The following GALNT17 variants were observed in gnomAD, a reference collection of about 807,000 sequenced individuals.
GALNT17 encodes the protein polypeptide N-acetylgalactosaminyltransferase 17.
In GALNT17, 29 loss-of-function variants were observed where a neutral mutation model predicts 63.7. That is an observed-to-expected ratio of 0.46 (90% CI 0.34 to 0.62). The LOEUF (loss-of-function observed/expected upper bound fraction) is 0.62, where lower values mean the gene tolerates loss of function less well. Ranked by LOEUF, GALNT17 falls within the 20% of genes least tolerant of loss-of-function variation. The pLI, the probability that GALNT17 is intolerant of heterozygous loss-of-function variation, is 0.01. For synonymous variants in GALNT17, 305 were observed against 318.3 expected (o/e 0.96, Z 0.45); for missense variants, 603 against 799.6 (o/e 0.75, Z 2.97).
chr7:71,696,135 T>C (rs1328404571), intron 9 of GALNT17, among the ~76,000 whole-genome samples: 1 of 152,182 alleles, frequency 6.6e-6, no homozygotes, highest in East Asian at 1.9e-4. Flanking sequence ...GTTTTAGAGA[T>C]AGGATCTTGC....
chr7:71,405,432 G>A (rs1404557241), intron 3 of GALNT17, among the ~76,000 whole-genome samples: 2 of 152,032 alleles, frequency 1.3e-5, no homozygotes, highest in African/African-American at 4.8e-5. Context: ...TTTGAGACCA[G>A]CCTGAGCAAC....
At position 71,456,654 on chromosome 7, in the gene GALNT17, G is replaced by A. The variant is rs138268935; in HGVS notation, c.962+35549G>A. Among the ~76,000 whole-genome samples, 345 of 152,154 alleles carry A rather than the reference G, an allele frequency of 2.3e-3. 5 individuals carry two copies. The highest frequency in any genetic ancestry group is 3.4e-3 in the Non-Finnish European group (231 of 67,996). On this transcript the variant is annotated intron_variant, in intron 5 of 10. Coordinates refer to ENST00000333538, the MANE Select transcript of GALNT17 (RefSeq NM_022479.3). ...CAGGAGAATCGCTTGAACTCTTGGC[G>A]GAGGCTGCAGACTCCATAAAAAAAA...
At chr7:71,283,793 A>G (rs976067631) in intron 1 of GALNT17, among the ~76,000 whole-genome samples, 2 of 152,046 alleles carry the variant, frequency 1.3e-5, no homozygotes, top group Non-Finnish European at 2.9e-5. Context: ...TGTAGTGGTG[A>G]AGGGTGAAGC....
At chr7:71,250,549 T>C (rs757987945) in intron 1 of GALNT17, among the ~76,000 whole-genome samples, 3 of 152,210 alleles carry the variant, frequency 2.0e-5, no homozygotes, top group Non-Finnish European at 4.4e-5. Flanking sequence ...CACCTGTCTC[T>C]GTAAGCTCGC....
At chr7:71,156,178 G>A (rs11764450) in intron 1 of GALNT17, among the ~76,000 whole-genome samples, 53,087 of 150,566 alleles carry the variant, frequency 0.35, 10,092 homozygotes, top group African/African-American at 0.4. Flanking sequence ...CCTGGGCACC[G>A]AGAGTGAAAC....
chr7:71,134,835 GTTTTTTTTTTTTTTTTT>G (rs561383417), intron 1 of GALNT17, among the ~76,000 whole-genome samples: 1 of 57,888 alleles, frequency 1.7e-5, no homozygotes, highest in Non-Finnish European at 2.9e-5. Context: ...TTGTTTTATG[GTTTTTTTTTTTTTTTTT>G]TTTTTTTTTT....
intron 3 of GALNT17, among the ~76,000 whole-genome samples, chr7:71,397,916 T>C (rs981873806): frequency 1.3e-5 from 2 of 150,832 alleles, no homozygotes; most frequent in Non-Finnish European, 1.5e-5. Context: ...TTTCAGAATT[T>C]TGATGGTTTT....
chr7:71,433,127 T>A (rs1340678295), intron 5 of GALNT17, among the ~76,000 whole-genome samples: 3 of 152,016 alleles, frequency 2.0e-5, no homozygotes, highest in Non-Finnish European at 4.4e-5. Flanking sequence ...TTTAAAAATA[T>A]AAAGTAAAAA....
At chr7:71,570,297 C>G (rs1789417721) in intron 5 of GALNT17, among the ~76,000 whole-genome samples, 1 of 152,080 alleles carries the variant, frequency 6.6e-6, no homozygotes, top group Non-Finnish European at 1.5e-5. Flanking sequence ...GAGGTCATGC[C>G]CTTGCCATTT....
At chr7:71,143,496 A>G (rs1241853296) in intron 1 of GALNT17, among the ~76,000 whole-genome samples, 1 of 151,828 alleles carries the variant, frequency 6.6e-6, no homozygotes, top group Non-Finnish European at 1.5e-5. Context: ...ATTCCTGGCA[A>G]GGGAATGGCA....
At chr7:71,441,123 A>G (rs569853137) in intron 5 of GALNT17, among the ~76,000 whole-genome samples, 1 of 151,808 alleles carries the variant, frequency 6.6e-6, no homozygotes, top group Admixed American at 6.6e-5. Flanking sequence ...CCTGGGTTCA[A>G]GTTGTTCTCC....
chr7:71,688,780 C>T (rs1017090333), intron 9 of GALNT17, among the ~76,000 whole-genome samples: 1 of 152,150 alleles, frequency 6.6e-6, no homozygotes, highest in East Asian at 1.9e-4. Flanking sequence ...AAGATTGTAG[C>T]AATTCCATGC....
At chr7:71,277,799 A>G (rs1790709173) in intron 1 of GALNT17, among the ~76,000 whole-genome samples, 1 of 152,214 alleles carries the variant, frequency 6.6e-6, no homozygotes, top group South Asian at 2.1e-4. Flanking sequence ...TTTTCACCCC[A>G]GTGCCCATCT....
chr7:71,289,352 ATATATT>A (rs1790935763), intron 1 of GALNT17, among the ~76,000 whole-genome samples: 1 of 152,110 alleles, frequency 6.6e-6, no homozygotes. Flanking sequence ...AAATACAGAG[ATATATT>A]TATATGTAGT....
At position 71,507,940 on chromosome 7, in the gene GALNT17, G is replaced by A. The variant is rs76851229; in HGVS notation, c.963-63345G>A. Among the ~76,000 whole-genome samples the A allele has an allele frequency of 2.8e-3, 434 of 152,294 alleles. 2 individuals are homozygous for A. The highest frequency in any genetic ancestry group is 9.9e-3 in the African/African-American group (412 of 41,560). On this transcript the variant is annotated intron_variant, in intron 5 of 10. Transcript: ENST00000333538. ...GAATAATCTCCTTTGTTCAATGCCC[G>A]AGGAGGATATTTTCTGCATTATTAG...
chr7:71,423,448 G>A (rs1333755995), intron 5 of GALNT17, among the ~76,000 whole-genome samples: 1 of 152,156 alleles, frequency 6.6e-6, no homozygotes, highest in Non-Finnish European at 1.5e-5. Context: ...TAAAATCATG[G>A]TTCTGTCTTA....
intron 1 of GALNT17, among the ~76,000 whole-genome samples, chr7:71,248,527 A>G (rs1790141666): frequency 6.6e-6 from 1 of 152,238 alleles, no homozygotes; most frequent in Admixed American, 6.5e-5. Context: ...TGAAAGGAAC[A>G]TACAGAAAAT....
At chr7:71,260,514 A>G (rs1024884944) in intron 1 of GALNT17, among the ~76,000 whole-genome samples, 7 of 152,196 alleles carry the variant, frequency 4.6e-5, no homozygotes, top group Non-Finnish European at 8.8e-5. Context: ...TTCTCCTAGA[A>G]ATATTCTACT....
intron 5 of GALNT17, among the ~76,000 whole-genome samples, chr7:71,491,370 A>G (rs1242482973): frequency 6.6e-6 from 1 of 151,988 alleles, no homozygotes; most frequent in Non-Finnish European, 1.5e-5. Context: ...GAATGTAAGA[A>G]GCAGGCACGA....
Sources: gnomAD v4.1 joint callset for allele counts (sites outside exome capture counted in the v4.1 genomes callset) on GRCh38, gnomAD v4.1.1 for gene constraint, MANE v1.5 for transcripts, NCBI Gene and HGNC (gene_info 2026-07-23, HGNC 2026-07-21) for gene names.